CX3CR1: variants seen among roughly 807,000 people sequenced by gnomAD.
CX3CR1 encodes C-X3-C motif chemokine receptor 1, also known as CX3C chemokine receptor 1.
For missense variants in CX3CR1, 363 were observed against 432.4 expected (o/e 0.84, Z 1.42); for synonymous variants, 168 against 178.5 (o/e 0.94, Z 0.47).
intron 1 of CX3CR1, among the ~76,000 whole-genome samples, chr3:39,273,562 A>G (rs527829724): frequency 3.3e-5 from 5 of 152,350 alleles, no homozygotes; most frequent in African/African-American, 4.8e-5. Context: ...GATGTATGAA[A>G]TTAAAGCATT....
intron 1 of CX3CR1, among the ~76,000 whole-genome samples, chr3:39,271,501 G>T (rs956551480): frequency 1.3e-5 from 2 of 152,218 alleles, no homozygotes; most frequent in Non-Finnish European, 2.9e-5. Flanking sequence ...AGACAACTTG[G>T]CAAACACAAC....
upstream of CX3CR1, among the ~76,000 whole-genome samples, chr3:39,285,021 C>T (rs1411268057): frequency 6.6e-6 from 1 of 152,072 alleles, no homozygotes; most frequent in Non-Finnish European, 1.5e-5. Flanking sequence ...TCCTCTTCTA[C>T]CCTAAGAGGA....
upstream of CX3CR1, among the ~76,000 whole-genome samples, chr3:39,280,599 C>T (rs2040884746): frequency 6.6e-6 from 1 of 152,252 alleles, no homozygotes; most frequent in Non-Finnish European, 1.5e-5. Context: ...GTACCTTGCA[C>T]CTTGTAGATG....
chr3:39,283,791 AAAATTATAT>A, upstream of CX3CR1, among the ~76,000 whole-genome samples: 1 of 83,792 alleles, frequency 1.2e-5, no homozygotes, highest in Non-Finnish European at 2.3e-5. Context: ...AAAAAAAAAA[AAAATTATAT>A]ATATATATAT....
upstream of CX3CR1, among the ~76,000 whole-genome samples, chr3:39,283,998 G>T (rs4256069): frequency 0.41 from 61,924 of 150,576 alleles, 14,061 homozygotes; most frequent in East Asian, 0.81. Flanking sequence ...AATGCTTGAG[G>T]TGATGCATAC....
chr3:39,283,236 CAAG>C (rs993589450), upstream of CX3CR1, among the ~76,000 whole-genome samples: 7 of 152,042 alleles, frequency 4.6e-5, no homozygotes, highest in African/African-American at 1.7e-4. Context: ...GAGTTTGAGA[CAAG>C]GAGGAGAAGT....
chr3:39,285,212 GAAAAAA>G (rs4016656), upstream of CX3CR1, among the ~76,000 whole-genome samples: 2,309 of 115,618 alleles, frequency 0.02, 64 homozygotes, highest in African/African-American at 0.073. Context: ...CATTGGTACA[GAAAAAA>G]AAAAAAAAAA....
At chr3:39,271,717 A>G (rs1370405733) in intron 1 of CX3CR1, among the ~76,000 whole-genome samples, 1 of 152,230 alleles carries the variant, frequency 6.6e-6, no homozygotes, top group Non-Finnish European at 1.5e-5. Flanking sequence ...TGGTAGCCAA[A>G]TGCCCCAGAG....
chr3:39,276,756 A>G (rs2040845414), intron 1 of CX3CR1, among the ~76,000 whole-genome samples: 1 of 152,360 alleles, frequency 6.6e-6, no homozygotes, highest in African/African-American at 2.4e-5. Context: ...TCTTGAGCCA[A>G]ACCAAAAAGT....
chr3:39,273,210 C>T (rs1302312985), intron 1 of CX3CR1, among the ~76,000 whole-genome samples: 1 of 152,244 alleles, frequency 6.6e-6, no homozygotes, highest in Non-Finnish European at 1.5e-5. Flanking sequence ...TCTCTGAATT[C>T]GTTGGGGTTC....
Position 39,265,842 on chromosome 3 carries a change from T to G in CX3CR1, c.668A>C (p.Asn223Thr). ...RIIQTLFSCK[N>T]HKKAKAIKLI... ...TTTAATGGCTTTGGCTTTCTTGTGG[T>G]TCTTGCAGGAAAACAGCGTCTGGAT... The change falls in exon 2 of 2, where the codon AAC becomes ACC. Residue 223 changes from asparagine (N) to threonine (T), a missense_variant. Coordinates refer to ENST00000399220, the MANE Select transcript of CX3CR1 (RefSeq NM_001337.4). 1 of 1,614,158 alleles carries G rather than the reference T, an allele frequency of 6.2e-7. No individual in the cohort carries two copies. The highest frequency in any genetic ancestry group is 1.1e-5 in the South Asian group (1 of 91,066).
chr3:39,280,172 G>C (rs1243724163), upstream of CX3CR1: 2 of 982,368 alleles, frequency 2.0e-6, no homozygotes, highest in Non-Finnish European at 2.4e-6. Context: ...GCCAACAGGA[G>C]GGCCTGACTT....
At chr3:39,279,269 C>G (rs531816191) in intron 1 of CX3CR1, among the ~76,000 whole-genome samples, 3 of 152,088 alleles carry the variant, frequency 2.0e-5, no homozygotes, top group Non-Finnish European at 4.4e-5. Flanking sequence ...ATGAAACTAT[C>G]TGCAATGCAG....
Position 39,265,795 on chromosome 3 carries a change from C to T in CX3CR1, c.715G>A (p.Val239Met), listed in dbSNP as rs775640906. Residue 239 changes from valine (V) to methionine (M), a missense_variant, in exon 2 of 2, where the codon GTG becomes ATG. Transcript: ENST00000399220. Reference sequence around the variant, plus strand: ...TAGGGTGTCCAGAAGAGGAAAAACACGATGACCACCAGAAGGATCAGTTTA... The same window carrying T: ...TAGGGTGTCCAGAAGAGGAAAAACATGATGACCACCAGAAGGATCAGTTTA... ...AIKLILLVVI[V>M]FFLFWTPYNV... The T allele has an allele frequency of 1.2e-5, 20 of 1,614,032 alleles. No individual in the cohort carries two copies. Among genetic ancestry groups the T allele is most frequent in the Admixed American group, 8.3e-5 (5 of 59,998 alleles).
At chr3:39,271,701 C>T (rs1047228378) in intron 1 of CX3CR1, among the ~76,000 whole-genome samples, 3 of 152,172 alleles carry the variant, frequency 2.0e-5, no homozygotes, top group South Asian at 2.1e-4. Context: ...TAGTTCAAAC[C>T]GCCCTTGGTA....
At chr3:39,269,084 A>G (rs991011925) in intron 1 of CX3CR1, among the ~76,000 whole-genome samples, 11 of 151,796 alleles carry the variant, frequency 7.2e-5, no homozygotes, top group Non-Finnish European at 5.9e-5. Context: ...CCCTTTATTG[A>G]GCTTTTACTA....
At position 39,274,435 on chromosome 3, in the gene CX3CR1, T is replaced by C. The variant is rs146693877; in HGVS notation, c.-10+5519A>G. ...CATGGCATTGTCTACCCACCAGTTT[T>C]TCACACAGGCCAAATGCACACCCAA... On this transcript the variant is annotated intron_variant, in intron 1 of 1. Transcript: ENST00000399220. Among the ~76,000 whole-genome samples, 578 of 142,946 alleles carry C rather than the reference T, an allele frequency of 4.0e-3. 1 individual carries two copies. The highest frequency in any genetic ancestry group is 0.014 in the African/African-American group (522 of 38,322). The allele number at this position is 142,946 out of a possible 152,430, so 93.8% of individuals were successfully genotyped here.
At chr3:39,286,640 A>G (rs2040945362), upstream of CX3CR1, 1 of 138,638 alleles carries the variant, frequency 7.2e-6, no homozygotes, top group Non-Finnish European at 1.5e-5. Context: ...CCTGGGCGAC[A>G]GAGCGAGACT....
the CX3CR1 span, chr3:39,287,822 G>A: frequency 6.6e-6 from 1 of 152,154 alleles, no homozygotes; most frequent in Non-Finnish European, 1.5e-5. Context: ...GTGTATGTCT[G>A]GGTCCCAGGA....
Sources: gnomAD v4.1 joint callset for allele counts (sites outside exome capture counted in the v4.1 genomes callset) on GRCh38, gnomAD v4.1.1 for gene constraint, MANE v1.5 for transcripts, NCBI Gene and HGNC (gene_info 2026-07-23, HGNC 2026-07-21) for gene names.